ADAMTS16: variants seen among roughly 807,000 people sequenced by gnomAD.
ADAMTS16 encodes A disintegrin and metalloproteinase with thrombospondin motifs 16.
A neutral mutation model predicts 145.8 loss-of-function variants in ADAMTS16; 94 were observed. That is an observed-to-expected ratio of 0.64 (90% CI 0.55 to 0.77). The LOEUF (loss-of-function observed/expected upper bound fraction) is 0.77, where lower values mean the gene tolerates loss of function less well. Among genes scored for constraint, ADAMTS16 ranks in the 30% least tolerant of loss-of-function variants. The pLI is 0.00. For synonymous variants in ADAMTS16, 659 were observed against 604.3 expected, an observed-to-expected ratio of 1.09 and a Z score of -1.33; for missense variants, 1,585 against 1,591.5, an observed-to-expected ratio of 1.00 and a Z score of 0.07.
In ADAMTS16 at chr5:5,207,756, G is replaced by GT. The variant is rs919547809; in HGVS notation, c.1452-1330dup. On this transcript the variant is annotated intron_variant, in intron 9 of 22. Transcript: ENST00000274181. ...AATGAGTGTTAAATTTTATCAAATG[G>GT]TTTTTTTCTTCATCTGTTGATATGA... 2.3e-3 allele frequency among the ~76,000 whole-genome samples: 347 copies of GT among 150,958 alleles called. 1 individual carries two copies. The highest frequency in any genetic ancestry group is 2.9e-3 in the Non-Finnish European group (194 of 67,744).
At chr5:5,202,020 C>T (rs1393547253) in intron 9 of ADAMTS16, among the ~76,000 whole-genome samples, 2 of 152,034 alleles carry the variant, frequency 1.3e-5, no homozygotes, top group Non-Finnish European at 2.9e-5. Context: ...ATTTGAGTAG[C>T]AGGATCACAC....
At position 5,262,659 on chromosome 5, in the gene ADAMTS16, C is replaced by T. The variant is rs750998276; in HGVS notation, c.2665C>T (p.Gln889Ter). 6.2e-7 allele frequency: 1 copy of T among 1,613,694 alleles called. No individual in the cohort carries two copies. Among genetic ancestry groups the T allele is most frequent in the Non-Finnish European group, 8.5e-7 (1 of 1,179,800 alleles). ...CTACATTTCATCCTTGCCTGCAGGA[C>T]AGATGACCGTGAGAGAGGGCTGCTA... is the stretch of plus-strand genomic sequence containing the variant. ...SECSVSCGGG[Q>*]MTVREGCYRD... The change falls in exon 18 of 23, where the codon CAG (glutamine) becomes TAG (stop). Residue 889 changes from glutamine (Q) to a stop codon, truncating the protein, a stop_gained and splice_region_variant. Coordinates refer to ENST00000274181, the MANE Select transcript of ADAMTS16 (RefSeq NM_139056.4). LOFTEE classifies it high-confidence loss of function.
At chr5:5,204,538 T>C (rs1220493552) in intron 9 of ADAMTS16, among the ~76,000 whole-genome samples, 1 of 152,234 alleles carries the variant, frequency 6.6e-6, no homozygotes, top group Non-Finnish European at 1.5e-5. Context: ...ACCCTGTGTA[T>C]TGGAATCAGG....
At chr5:5,251,864 TTC>T (rs1277046122) in intron 17 of ADAMTS16, among the ~76,000 whole-genome samples, 1 of 152,150 alleles carries the variant, frequency 6.6e-6, no homozygotes, top group African/African-American at 2.4e-5. Flanking sequence ...TGCTTTTTTT[TTC>T]TTTTTTTTGA....
intron 17 of ADAMTS16, among the ~76,000 whole-genome samples, chr5:5,260,882 C>G (rs566526580): frequency 2.0e-5 from 3 of 152,128 alleles, no homozygotes; most frequent in African/African-American, 7.2e-5. Context: ...TTTTGTGCCT[C>G]GTGTCTACAG....
chr5:5,162,989 T>C (rs1734782790), intron 3 of ADAMTS16, among the ~76,000 whole-genome samples: 1 of 152,282 alleles, frequency 6.6e-6, no homozygotes, highest in Non-Finnish European at 1.5e-5. Flanking sequence ...ATTATTTCCA[T>C]TTAATGTGGC....
intron 9 of ADAMTS16, among the ~76,000 whole-genome samples, chr5:5,203,422 A>G (rs530240246): frequency 6.6e-6 from 1 of 152,380 alleles, no homozygotes; most frequent in East Asian, 1.9e-4. Flanking sequence ...ATATGATCCC[A>G]ACAATGAGCA....
intron 10 of ADAMTS16, among the ~76,000 whole-genome samples, chr5:5,210,501 C>T (rs936610072): frequency 8.5e-5 from 13 of 152,138 alleles, no homozygotes; most frequent in African/African-American, 1.7e-4. Context: ...AATCAAGACA[C>T]GTTTTATTTG....
intron 17 of ADAMTS16, among the ~76,000 whole-genome samples, chr5:5,260,638 A>G (rs1472239918): frequency 6.6e-6 from 1 of 152,222 alleles, no homozygotes; most frequent in Admixed American, 6.5e-5. Flanking sequence ...TTTGGGGCTT[A>G]GAGCCATGAG....
At chr5:5,221,957 A>T (rs1442083228) in intron 10 of ADAMTS16, among the ~76,000 whole-genome samples, 1 of 152,228 alleles carries the variant, frequency 6.6e-6, no homozygotes, top group Non-Finnish European at 1.5e-5. Context: ...AATGTTCTGA[A>T]CACTTGTGCA....
At chr5:5,276,416 G>A (rs1046561472) in intron 18 of ADAMTS16, among the ~76,000 whole-genome samples, 8 of 152,092 alleles carry the variant, frequency 5.3e-5, no homozygotes, top group Non-Finnish European at 7.4e-5. Context: ...AGACAGACCC[G>A]AGTGTAAATT....
At chr5:5,244,649 C>T (rs537170293) in intron 17 of ADAMTS16, among the ~76,000 whole-genome samples, 4 of 152,354 alleles carry the variant, frequency 2.6e-5, no homozygotes, top group Non-Finnish European at 4.4e-5. Flanking sequence ...CACCCCACCA[C>T]AGCCAAACTG....
At chr5:5,227,848 G>A (rs989763624) in intron 11 of ADAMTS16, among the ~76,000 whole-genome samples, 1 of 152,122 alleles carries the variant, frequency 6.6e-6, no homozygotes, top group Non-Finnish European at 1.5e-5. Context: ...TGGAAATAAT[G>A]CAAATGTCCA....
In ADAMTS16 at chr5:5,187,812, G is replaced by C; in HGVS notation, c.1047+4G>C. ...GATTCTTCTAGAAGATGAACAGGTA[G>C]TTTATCTTTGAAACTATCTACTCTT... On this transcript the variant is annotated splice_donor_region_variant and intron_variant, in intron 6 of 22. Coordinates refer to ENST00000274181, the MANE Select transcript of ADAMTS16 (RefSeq NM_139056.4). The C allele has an allele frequency of 6.4e-7, 1 of 1,567,216 alleles. No homozygotes were observed. The highest frequency in any genetic ancestry group is 8.8e-7 in the Non-Finnish European group (1 of 1,138,424).
chr5:5,140,802 A>C (rs150708974), intron 2 of ADAMTS16, 36 bp downstream of exon 2: 1 of 1,507,468 alleles, frequency 6.6e-7, no homozygotes, highest in South Asian at 1.2e-5. Flanking sequence ...AATCCTTGCC[A>C]TTTAGCAGCT....
At chr5:5,296,436 G>A (rs2126498825) in intron 18 of ADAMTS16, among the ~76,000 whole-genome samples, 1 of 152,252 alleles carries the variant, frequency 6.6e-6, no homozygotes, top group East Asian at 1.9e-4. Flanking sequence ...CTCATAATGG[G>A]TAAAAAATAA....
chr5:5,164,164 A>T (rs1381296001), intron 3 of ADAMTS16, among the ~76,000 whole-genome samples: 1 of 152,208 alleles, frequency 6.6e-6, no homozygotes, highest in African/African-American at 2.4e-5. Context: ...TTTTCAGCGC[A>T]GATACATTCA....
Position 5,319,025 on chromosome 5 carries a change from G to A in ADAMTS16, c.3562G>A (p.Ala1188Thr). The change falls in exon 23 of 23, where the codon GCC (alanine) becomes ACC (threonine). Residue 1188 changes from alanine (A) to threonine (T), a missense_variant and splice_region_variant. Ala to Thr is a moderately conservative substitution (Grantham distance 58). Transcript: ENST00000274181. ...HFCPIAEKKD[A>T]FCKDYFHWCY... ...AATGCAGCTCTGCTCATTTTCAGATGCCTTCTGCAAAGACTACTTCCACTG... is the reference window on the plus strand; with the variant it reads ...AATGCAGCTCTGCTCATTTTCAGATACCTTCTGCAAAGACTACTTCCACTG... 1 of 1,609,576 alleles carries A rather than the reference G, an allele frequency of 6.2e-7. No individual in the cohort carries two copies. Among genetic ancestry groups the A allele is most frequent in the Non-Finnish European group, 8.5e-7 (1 of 1,177,328 alleles).
chr5:5,295,716 G>A (rs1739501972), intron 18 of ADAMTS16, among the ~76,000 whole-genome samples: 1 of 152,252 alleles, frequency 6.6e-6, no homozygotes, highest in African/African-American at 2.4e-5. Flanking sequence ...AGTGTCCAGA[G>A]ATGAACGGAG....
Sources: allele counts gnomAD v4.1 joint callset (sites outside exome capture counted in the v4.1 genomes callset), GRCh38; gene constraint gnomAD v4.1.1; transcripts MANE v1.5; gene names NCBI Gene and HGNC (gene_info 2026-07-23, HGNC 2026-07-21).